The following TMEM178B variants were observed in gnomAD, a reference collection of about 807,000 sequenced individuals.
TMEM178B encodes the protein transmembrane protein 178B.
Under a neutral mutation model 31.0 loss-of-function variants are expected in TMEM178B, and 5 were observed. The ratio of observed to expected loss-of-function variants is 0.16; its 90% CI spans 0.08 to 0.34. The LOEUF (loss-of-function observed/expected upper bound fraction) is 0.34, where lower values mean the gene tolerates loss of function less well. Among genes scored for constraint, TMEM178B ranks in the 10% least tolerant of loss-of-function variants. The pLI is 1.00. For synonymous variants in TMEM178B, 164 were observed against 164.0 expected (o/e 1.00, Z 0.00); for missense variants, 275 against 400.3 (o/e 0.69, Z 2.67).
chr7:141,238,936 C>T (rs1320579577), intron 2 of TMEM178B, among the ~76,000 whole-genome samples: 1 of 152,184 alleles, frequency 6.6e-6, no homozygotes, highest in Non-Finnish European at 1.5e-5. Flanking sequence ...ACCAGCTTCA[C>T]GAGTAGGTTA....
intron 2 of TMEM178B, among the ~76,000 whole-genome samples, chr7:141,241,590 CAAAAAAAAAAAA>C (rs766018973): frequency 1.3e-5 from 1 of 75,972 alleles, no homozygotes; most frequent in African/African-American, 5.6e-5. Flanking sequence ...GACTTCGTCT[CAAAAAAAAAAAA>C]AAAAAAAAAA....
chr7:141,280,818 G>A (rs993860108), intron 2 of TMEM178B, among the ~76,000 whole-genome samples: 5 of 152,158 alleles, frequency 3.3e-5, no homozygotes, highest in South Asian at 2.1e-4. Context: ...CCTGGGTCTC[G>A]GGGGAATGAC....
In TMEM178B at chr7:141,226,367, G is replaced by A. The variant is rs987500351; in HGVS notation, c.496+13663G>A. 4.6e-5 allele frequency among the ~76,000 whole-genome samples: 7 copies of A among 152,084 alleles called. No individual in the cohort carries two copies. In the South Asian group the frequency reaches 6.2e-4, roughly 14 times the overall value. ...CCTCCCCAAGGCTGGCTTTGTCTCC[G>A]TGTTGCCTGAGTCCCACACACCACC... On this transcript the variant is annotated intron_variant, in intron 2 of 3. Transcript: ENST00000565468.
intron 1 of TMEM178B, among the ~76,000 whole-genome samples, chr7:141,119,300 C>A (rs1371485864): frequency 6.6e-6 from 1 of 152,142 alleles, no homozygotes; most frequent in African/African-American, 2.4e-5. Flanking sequence ...AATTACCTGG[C>A]ACTTCTGGTC....
chr7:141,112,333 G>T (rs1795246996), intron 1 of TMEM178B, among the ~76,000 whole-genome samples: 1 of 152,154 alleles, frequency 6.6e-6, no homozygotes, highest in Non-Finnish European at 1.5e-5. Flanking sequence ...GCTCACTGTA[G>T]CCTTGATTTC....
At chr7:141,178,186 C>T (rs191080842) in intron 1 of TMEM178B, among the ~76,000 whole-genome samples, 14 of 152,238 alleles carry the variant, frequency 9.2e-5, no homozygotes, top group African/African-American at 3.4e-4. Flanking sequence ...GATTTTATTT[C>T]TCCTTCACTT....
At chr7:141,231,501 G>T (rs1797442847) in intron 2 of TMEM178B, among the ~76,000 whole-genome samples, 1 of 152,152 alleles carries the variant, frequency 6.6e-6, no homozygotes, top group African/African-American at 2.4e-5. Context: ...CACTTGCTTA[G>T]TAAAATAATT....
chr7:141,187,992 G>C (rs1002404550), intron 1 of TMEM178B, among the ~76,000 whole-genome samples: 6 of 152,118 alleles, frequency 3.9e-5, no homozygotes, highest in Non-Finnish European at 7.3e-5. Flanking sequence ...ATTGCTTTTG[G>C]TGTTTTAGAC....
At chr7:141,229,035 T>TTTTTTG (rs1797392278) in intron 2 of TMEM178B, among the ~76,000 whole-genome samples, 1 of 83,308 alleles carries the variant, frequency 1.2e-5, no homozygotes, top group African/African-American at 4.1e-5. Context: ...TTTTTTTTTT[T>TTTTTTG]GGTTGTGGGG....
chr7:141,415,388 A>G (rs1801077537), intron 2 of TMEM178B: 1 of 152,828 alleles, frequency 6.5e-6, no homozygotes, highest in African/African-American at 2.4e-5. Flanking sequence ...CATTTCATGT[A>G]AACTATCTCA....
rs1799575215 is a variant in TMEM178B, at chr7:141,344,566, T to A, written c.497-93042T>A. ...GTTTCTCCCTCCCTCCCTCCATTCC[T>A]CCCTCCTCCCTTCCTTCCTTCCTTC... is the stretch of plus-strand genomic sequence containing the variant. On this transcript the variant is annotated intron_variant, in intron 2 of 3. Coordinates refer to ENST00000565468, the MANE Select transcript of TMEM178B (RefSeq NM_001195278.2). The surrounding 1 kb of genome is among the most constrained non-coding windows in gnomAD (Gnocchi z 4.1). Among the ~76,000 whole-genome samples, 1 of 147,180 alleles carries A rather than the reference T, an allele frequency of 6.8e-6. No individual in the cohort carries two copies. The highest frequency in any genetic ancestry group is 2.5e-5 in the African/African-American group (1 of 39,676).
intron 2 of TMEM178B, among the ~76,000 whole-genome samples, chr7:141,410,819 C>T (rs1361752864): frequency 6.6e-6 from 1 of 152,134 alleles, no homozygotes; most frequent in Non-Finnish European, 1.5e-5. Context: ...AAAGTGGACC[C>T]CCATGGGCAC....
At chr7:141,170,940 A>G (rs1282230499) in intron 1 of TMEM178B, among the ~76,000 whole-genome samples, 2 of 151,974 alleles carry the variant, frequency 1.3e-5, no homozygotes, top group Admixed American at 6.6e-5. Context: ...TGTGACTTAC[A>G]TGTTCTACTT....
intron 2 of TMEM178B, among the ~76,000 whole-genome samples, chr7:141,280,295 A>G (rs1257891415): frequency 3.9e-5 from 6 of 152,002 alleles, no homozygotes; most frequent in Non-Finnish European, 1.5e-5. Context: ...TGGGCACCTG[A>G]TATAGTTTGG....
At chr7:141,208,871 A>G (rs1456330792) in intron 1 of TMEM178B, among the ~76,000 whole-genome samples, 1 of 152,238 alleles carries the variant, frequency 6.6e-6, no homozygotes, top group Non-Finnish European at 1.5e-5. Context: ...GGGAGTCACC[A>G]ATCTGGCCAT....
At chr7:141,499,464 C>CAAAAAAAAAA in the TMEM178B span, among the ~76,000 whole-genome samples, 67 of 50,700 alleles carry the variant, frequency 1.3e-3, 2 homozygotes, top group African/African-American at 3.7e-3. Flanking sequence ...CACATCTCTA[C>CAAAAAAAAAA]AAAAAAAAAA....
intron 1 of TMEM178B, among the ~76,000 whole-genome samples, chr7:141,105,357 A>G (rs1352659569): frequency 6.6e-6 from 1 of 151,966 alleles, no homozygotes; most frequent in African/African-American, 2.4e-5. Flanking sequence ...AAAATACAAA[A>G]ATTAGCTGGC....
intron 1 of TMEM178B, among the ~76,000 whole-genome samples, chr7:141,094,908 G>A (rs1794933263): frequency 6.6e-6 from 1 of 152,190 alleles, no homozygotes; most frequent in Non-Finnish European, 1.5e-5. Context: ...CTATAGTGAT[G>A]CAGAATCAAT....
chr7:141,499,837 T>C, the TMEM178B span, among the ~76,000 whole-genome samples: 1 of 152,202 alleles, frequency 6.6e-6, no homozygotes, highest in African/African-American at 2.4e-5. Context: ...ACATGAAGAA[T>C]GGGAGAAAAG....
Sources: gnomAD v4.1 joint callset for allele counts (sites outside exome capture counted in the v4.1 genomes callset) on GRCh38, gnomAD v4.1.1 for gene constraint, Gnocchi (gnomAD v3.1) non-coding constraint, MANE v1.5 for transcripts, NCBI Gene and HGNC (gene_info 2026-07-23, HGNC 2026-07-21) for gene names.